Variants in FBXL7 observed in about 807,000 individuals in gnomAD.
FBXL7 encodes the protein F-box/LRR-repeat protein 7.
Under a neutral mutation model 38.3 loss-of-function variants are expected in FBXL7, and 12 were observed. That is an observed-to-expected ratio of 0.31 (90% CI 0.20 to 0.51). The LOEUF (loss-of-function observed/expected upper bound fraction) is 0.51. Ranked by LOEUF, FBXL7 falls within the 20% of genes least tolerant of loss-of-function variation. The pLI, the probability that FBXL7 is intolerant of heterozygous loss-of-function variation, is 0.98. For missense variants in FBXL7, 567 were observed against 676.4 expected (o/e 0.84, Z 1.79); for synonymous variants, 297 against 300.9 (o/e 0.99, Z 0.13).
chr5:15,787,001 T>C (rs1737148107), intron 2 of FBXL7, among the ~76,000 whole-genome samples: 1 of 152,156 alleles, frequency 6.6e-6, no homozygotes, highest in African/African-American at 2.4e-5. Context: ...AAGAGAAATC[T>C]ATGTGAAGAC....
At position 15,516,483 on chromosome 5, in the gene FBXL7, A is replaced by T. The variant is rs1052451541; in HGVS notation, c.37+15770A>T. Among the ~76,000 whole-genome samples the T allele has an allele frequency of 2.6e-5, 4 of 152,138 alleles. No homozygotes were observed. The South Asian group carries it at 6.2e-4, about 24-fold the overall frequency. On this transcript the variant is annotated intron_variant, in intron 1 of 3. Coordinates refer to ENST00000504595, the MANE Select transcript of FBXL7 (RefSeq NM_012304.5). ...TATTTGTATGGGATTTTTATGTCTTACTTTGCATATAGTTACTTGCATGTC... is the reference window on the plus strand; with the variant it reads ...TATTTGTATGGGATTTTTATGTCTTTCTTTGCATATAGTTACTTGCATGTC...
Position 15,626,860 on chromosome 5 carries a change from C to T in FBXL7, c.127+10788C>T, listed in dbSNP as rs566548780. On this transcript the variant is annotated intron_variant, in intron 2 of 3. Transcript: ENST00000504595. ...TTGCATCATTCCTAATTTTTTTTAT[C>T]AGTAATTTCAGTATCTTAATTGAGT... 3.9e-5 allele frequency among the ~76,000 whole-genome samples: 6 copies of T among 151,982 alleles called. No homozygotes were observed. The East Asian group carries it at 1.2e-3, about 29-fold the overall frequency.
chr5:15,610,800 C>T (rs1025365556), intron 1 of FBXL7, among the ~76,000 whole-genome samples: 3 of 152,168 alleles, frequency 2.0e-5, no homozygotes, highest in Non-Finnish European at 2.9e-5. Context: ...GCTCACACTA[C>T]CCTAAGTACT....
chr5:15,918,778 C>T (rs1330046913), intron 2 of FBXL7, among the ~76,000 whole-genome samples: 1 of 152,202 alleles, frequency 6.6e-6, no homozygotes, highest in African/African-American at 2.4e-5. Context: ...GTCTTTTGTC[C>T]TTGGACAGGA....
At position 15,789,005 on chromosome 5, in the gene FBXL7, C is replaced by T. The variant is rs920510034; in HGVS notation, c.128-138885C>T. ...ATCTGGGACTACAGGTGCCCGCCAC[C>T]GCGCCCAGCTAATTTTTTGTATTTT... On this transcript the variant is annotated intron_variant, in intron 2 of 3. Coordinates refer to ENST00000504595, the MANE Select transcript of FBXL7 (RefSeq NM_012304.5). Among the ~76,000 whole-genome samples, 14 of 152,078 alleles carry T rather than the reference C, an allele frequency of 9.2e-5. No homozygotes were observed. The East Asian group carries it at 1.2e-3, about 13-fold the overall frequency.
At chr5:15,749,407 A>T (rs1736097380) in intron 2 of FBXL7, among the ~76,000 whole-genome samples, 2 of 152,192 alleles carry the variant, frequency 1.3e-5, no homozygotes, top group Non-Finnish European at 2.9e-5. Flanking sequence ...CGGGCGAATC[A>T]CGAGGTCAGG....
intron 2 of FBXL7, among the ~76,000 whole-genome samples, chr5:15,683,666 C>T (rs147587925): frequency 2.6e-5 from 4 of 152,278 alleles, no homozygotes; most frequent in African/African-American, 9.6e-5. Context: ...GCTCCCCACC[C>T]CTCTACTCCT....
chr5:15,563,911 A>G (rs1272734717), intron 1 of FBXL7, among the ~76,000 whole-genome samples: 1 of 150,716 alleles, frequency 6.6e-6, no homozygotes, highest in Non-Finnish European at 1.5e-5. Flanking sequence ...ATTTCAAAAA[A>G]AAATGGGTGC....
intron 2 of FBXL7, among the ~76,000 whole-genome samples, chr5:15,899,147 A>C (rs979032149): frequency 1.5e-4 from 23 of 152,062 alleles, no homozygotes; most frequent in Non-Finnish European, 2.2e-4. Context: ...GCTCACCGCA[A>C]CCTCCACCTC....
intron 1 of FBXL7, among the ~76,000 whole-genome samples, chr5:15,517,011 T>G (rs999936420): frequency 3.3e-5 from 5 of 151,428 alleles, no homozygotes; most frequent in African/African-American, 1.2e-4. Context: ...TTTTATTTTT[T>G]TATTTTTATT....
At position 15,606,610 on chromosome 5, in the gene FBXL7, G is replaced by A. The variant is rs562614704; in HGVS notation, c.38-9373G>A. 893 of 152,298 alleles carry A rather than the reference G, an allele frequency of 5.9e-3. 7 individuals are homozygous for A. The highest frequency in any genetic ancestry group is 0.02 in the African/African-American group (843 of 41,574). 9.4% of individuals were successfully genotyped at this position (152,298 alleles called of 1,614,324 possible). A position where few individuals can be genotyped will look rare whatever the true frequency, so the allele number is the denominator to read the frequency against. Reference sequence around the variant, plus strand: ...TTAGAACATTCAGTGTAAAGAAAGTGCCAGTTAGGACATTCAGTGGCTTGA... The same window carrying A: ...TTAGAACATTCAGTGTAAAGAAAGTACCAGTTAGGACATTCAGTGGCTTGA... On this transcript the variant is annotated intron_variant, in intron 1 of 3. Coordinates refer to ENST00000504595, the MANE Select transcript of FBXL7 (RefSeq NM_012304.5).
At chr5:15,884,628 CA>C (rs1350883458) in intron 2 of FBXL7, among the ~76,000 whole-genome samples, 3 of 152,112 alleles carry the variant, frequency 2.0e-5, no homozygotes, top group African/African-American at 4.8e-5. Flanking sequence ...GGGAAAAACG[CA>C]ATTCATTTAC....
chr5:15,707,110 A>G (rs1163884912), intron 2 of FBXL7, among the ~76,000 whole-genome samples: 1 of 149,936 alleles, frequency 6.7e-6, no homozygotes, highest in African/African-American at 2.5e-5. Flanking sequence ...CAAGGATATC[A>G]TCTATTAGTT....
intron 2 of FBXL7, among the ~76,000 whole-genome samples, chr5:15,637,594 A>G (rs1461653006): frequency 2.0e-5 from 3 of 152,216 alleles, no homozygotes; most frequent in Non-Finnish European, 4.4e-5. Flanking sequence ...ACAGCTAACC[A>G]TTCTATATTG....
intron 2 of FBXL7, among the ~76,000 whole-genome samples, chr5:15,621,216 G>A (rs1449471723): frequency 6.6e-6 from 1 of 152,148 alleles, no homozygotes; most frequent in African/African-American, 2.4e-5. Flanking sequence ...CCTGATAAGT[G>A]GTGTAGACGT....
intron 2 of FBXL7, among the ~76,000 whole-genome samples, chr5:15,711,333 A>G (rs1335222671): frequency 6.6e-6 from 1 of 152,144 alleles, no homozygotes; most frequent in Non-Finnish European, 1.5e-5. Flanking sequence ...GCATTCTGTC[A>G]TTTGTATGTG....
chr5:15,816,784 C>T (rs565947330), intron 2 of FBXL7, among the ~76,000 whole-genome samples: 2 of 152,246 alleles, frequency 1.3e-5, no homozygotes, highest in South Asian at 2.1e-4. Flanking sequence ...ATTTGAAAAG[C>T]TGCTTAATTT....
intron 2 of FBXL7, among the ~76,000 whole-genome samples, chr5:15,703,111 CA>C (rs1280208453): frequency 1.3e-5 from 2 of 152,310 alleles, no homozygotes; most frequent in African/African-American, 4.8e-5. Context: ...GTGCAGGTCA[CA>C]GGGGATATGA....
At chr5:15,624,642 C>T (rs1740750868) in intron 2 of FBXL7, among the ~76,000 whole-genome samples, 1 of 152,164 alleles carries the variant, frequency 6.6e-6, no homozygotes, top group Non-Finnish European at 1.5e-5. Flanking sequence ...TTGAAGTTAA[C>T]ATCATTTTCG....
Sources: gnomAD v4.1 joint callset for allele counts (sites outside exome capture counted in the v4.1 genomes callset) on GRCh38, gnomAD v4.1.1 for gene constraint, MANE v1.5 for transcripts, NCBI Gene and HGNC (gene_info 2026-07-23, HGNC 2026-07-21) for gene names.